The following FBXL20 variants were observed in gnomAD, a reference collection of about 807,000 sequenced individuals.
FBXL20 encodes the protein F-box and leucine rich repeat protein 20.
FBXL20 carries 11 observed loss-of-function variants against 64.0 expected under a neutral mutation model. The ratio of observed to expected loss-of-function variants is 0.17; its 90% CI spans 0.11 to 0.28. The LOEUF (loss-of-function observed/expected upper bound fraction) is 0.28. Ranked by LOEUF, FBXL20 falls within the 10% of genes least tolerant of loss-of-function variation. The pLI, the probability that FBXL20 is intolerant of heterozygous loss-of-function variation, is 1.00. For synonymous variants in FBXL20, 184 were observed against 189.0 expected, an observed-to-expected ratio of 0.97 and a Z score of 0.22; for missense variants, 303 against 526.2, an observed-to-expected ratio of 0.58 and a Z score of 4.15.
chr17:39,335,047 T>C (rs2047506940), intron 2 of FBXL20, among the ~76,000 whole-genome samples: 1 of 151,762 alleles, frequency 6.6e-6, no homozygotes, highest in African/African-American at 2.4e-5. Context: ...TTTTTCCCTC[T>C]GTGGCTAGTG....
chr17:39,268,028 G>A (rs532881496), intron 12 of FBXL20, among the ~76,000 whole-genome samples: 4 of 152,092 alleles, frequency 2.6e-5, no homozygotes, highest in South Asian at 2.1e-4. Context: ...TCCCATGTTC[G>A]AAGTTTTTCC....
intron 1 of FBXL20, among the ~76,000 whole-genome samples, chr17:39,379,344 G>A (rs1449481854): frequency 1.3e-5 from 2 of 151,836 alleles, no homozygotes; most frequent in African/African-American, 2.4e-5. Context: ...TAACTGCTGT[G>A]GGAAACACTT....
chr17:39,349,365 A>G (rs2047665749), intron 1 of FBXL20, among the ~76,000 whole-genome samples: 1 of 134,870 alleles, frequency 7.4e-6, no homozygotes, highest in Non-Finnish European at 1.5e-5. Context: ...CTGGGATTAC[A>G]GGTATTAAGT....
At chr17:39,391,554 A>C (rs534844046) in intron 1 of FBXL20, among the ~76,000 whole-genome samples, 41 of 152,202 alleles carry the variant, frequency 2.7e-4, no homozygotes, top group East Asian at 5.8e-4. Flanking sequence ...ACAAAAAAAA[A>C]CACAAATTTA....
At chr17:39,292,340 T>A (rs1236894770) in intron 6 of FBXL20, among the ~76,000 whole-genome samples, 1 of 150,848 alleles carries the variant, frequency 6.6e-6, no homozygotes, top group African/African-American at 2.5e-5. Flanking sequence ...TTTTTTTAAA[T>A]TTTTGCACAT....
intron 1 of FBXL20, among the ~76,000 whole-genome samples, chr17:39,394,644 A>C (rs974855570): frequency 7.9e-5 from 12 of 151,316 alleles, no homozygotes; most frequent in Non-Finnish European, 1.5e-4. Context: ...AGCTCACTGC[A>C]ACCTTCGCCT....
intron 1 of FBXL20, among the ~76,000 whole-genome samples, chr17:39,393,653 A>T (rs781472742): frequency 3.3e-5 from 5 of 152,224 alleles, no homozygotes; most frequent in Admixed American, 6.6e-5. Context: ...ATTAGATAAG[A>T]GGCTTATTAA....
At chr17:39,397,950 C>G (rs998065340) in intron 1 of FBXL20, among the ~76,000 whole-genome samples, 1 of 148,970 alleles carries the variant, frequency 6.7e-6, no homozygotes, top group African/African-American at 2.5e-5. Flanking sequence ...TCACTTTCCT[C>G]AAGTGTAAAA....
chr17:39,389,890 A>G (rs1417976343), intron 1 of FBXL20, among the ~76,000 whole-genome samples: 4 of 152,186 alleles, frequency 2.6e-5, no homozygotes, highest in Admixed American at 2.0e-4. Flanking sequence ...TACTTTCTAC[A>G]TATCAGAGAA....
intron 2 of FBXL20, among the ~76,000 whole-genome samples, chr17:39,319,307 GT>G (rs1316255161): frequency 6.6e-6 from 1 of 151,982 alleles, no homozygotes; most frequent in Non-Finnish European, 1.5e-5. Flanking sequence ...TTTAAGGATA[GT>G]TTTTCAAATT....
At chr17:39,381,391 G>C (rs912368963) in intron 1 of FBXL20, among the ~76,000 whole-genome samples, 5 of 145,096 alleles carry the variant, frequency 3.4e-5, no homozygotes, top group African/African-American at 1.0e-4. Context: ...GAGGCAGGAG[G>C]ATCACTTGAG....
chr17:39,370,191 T>TAAA (rs147101583), intron 1 of FBXL20, among the ~76,000 whole-genome samples: 2 of 141,554 alleles, frequency 1.4e-5, no homozygotes, highest in Non-Finnish European at 1.5e-5. Flanking sequence ...GAGGATGGTT[T>TAAA]AAAAAAAAAA....
intron 2 of FBXL20, among the ~76,000 whole-genome samples, chr17:39,308,681 C>T (rs2047205092): frequency 2.0e-5 from 3 of 151,726 alleles, no homozygotes; most frequent in African/African-American, 7.3e-5. Context: ...TCTCCTGCCT[C>T]AGCCTCCTGA....
chr17:39,391,708 G>C (rs2048135323), intron 1 of FBXL20, among the ~76,000 whole-genome samples: 1 of 152,084 alleles, frequency 6.6e-6, no homozygotes, highest in South Asian at 2.1e-4. Flanking sequence ...AGATGATCTG[G>C]TTCCAAAAAA....
intron 6 of FBXL20, among the ~76,000 whole-genome samples, chr17:39,296,136 A>G (rs560397288): frequency 1.3e-5 from 2 of 152,330 alleles, no homozygotes; most frequent in South Asian, 4.1e-4. Context: ...TAAGTACTCA[A>G]AGGAAACAAA....
intron 2 of FBXL20, among the ~76,000 whole-genome samples, chr17:39,331,691 A>C (rs1213455225): frequency 6.6e-6 from 1 of 152,222 alleles, no homozygotes; most frequent in Non-Finnish European, 1.5e-5. Flanking sequence ...TATCCACATT[A>C]AAGTTTAAGG....
intron 14 of FBXL20, among the ~76,000 whole-genome samples, chr17:39,262,572 C>T (rs936985518): frequency 2.6e-5 from 4 of 151,990 alleles, no homozygotes; most frequent in East Asian, 1.9e-4. Flanking sequence ...TGAGCCACCG[C>T]GACTGGCCTA....
At chr17:39,301,129 G>T in intron 3 of FBXL20, 54 bp from the exon 4 acceptor site, 1 of 1,526,166 alleles carries the variant, frequency 6.6e-7, no homozygotes, top group South Asian at 1.1e-5. Flanking sequence ...AAGGGGAAAA[G>T]GCAGCAATAT....
At chr17:39,267,616 T>A (rs1293881520) in intron 12 of FBXL20, among the ~76,000 whole-genome samples, 1 of 152,236 alleles carries the variant, frequency 6.6e-6, no homozygotes, top group African/African-American at 2.4e-5. Context: ...TGCTGGAATC[T>A]GGGTTAACCA....
Sources: gnomAD v4.1 joint callset for allele counts (sites outside exome capture counted in the v4.1 genomes callset) on GRCh38, gnomAD v4.1.1 for gene constraint, MANE v1.5 for transcripts, NCBI Gene and HGNC (gene_info 2026-07-23, HGNC 2026-07-21) for gene names.